The following DIABLO variants were observed in gnomAD, a reference collection of about 807,000 sequenced individuals.
DIABLO encodes the protein diablo IAP-binding mitochondrial protein.
A neutral mutation model predicts 31.7 loss-of-function variants in DIABLO; 32 were observed. The observed-to-expected ratio is 1.01, with a 90% CI of 0.76 to 1.35. The LOEUF (loss-of-function observed/expected upper bound fraction) is 1.35. Ranked by LOEUF, DIABLO falls within the 40% of genes most tolerant of loss-of-function variation. The pLI, the probability that DIABLO is intolerant of heterozygous loss-of-function variation, is 0.00. For missense variants in DIABLO, 316 were observed against 286.4 expected, an observed-to-expected ratio of 1.10 and a Z score of -0.75; for synonymous variants, 132 against 103.2, an observed-to-expected ratio of 1.28 and a Z score of -1.69.
intron 5 of DIABLO, 34 bp downstream of exon 5, chr12:122,216,454 T>TAA: frequency 8.3e-6 from 12 of 1,449,152 alleles, no homozygotes; most frequent in Admixed American, 1.8e-5. Flanking sequence ...GTTAAAAAAT[T>TAA]AAAAAAAAAA....
rs1954033477 is a variant in DIABLO, at chr12:122,209,646, G to A, written c.524-1069C>T. On this transcript the variant is annotated intron_variant, in intron 5 of 5. Transcript: ENST00000464942. ...CGCCACTTCACTCCAGCCTAGGTGA[G>A]AGTGAAACTCGTCTCCCCCCCAAAA... 4.5e-6 allele frequency: 3 copies of A among 671,990 alleles called. No individual in the cohort carries two copies. The South Asian group carries it at 4.8e-5, about 11-fold the overall frequency. 41.6% of individuals were successfully genotyped at this position (671,990 alleles called of 1,614,324 possible). A position where few individuals can be genotyped will look rare whatever the true frequency, so the allele number is the denominator to read the frequency against.
At position 122,208,397 on chromosome 12, in the gene DIABLO, T is replaced by A. The variant is rs563254479; in HGVS notation, c.704A>T (p.Tyr235Phe). ...CTCAGGCCCTCAATCCTCACGCAGG[T>A]AGGCCTCCTGCTCCGACTCAGCCCG... ...EERAESEQEA[Y>F]LRED Residue 235 changes from tyrosine to phenylalanine, a missense_variant, in exon 6 of 6, where the codon TAC becomes TTC. Physicochemically the swap from Tyr to Phe is conservative, Grantham distance 22. Transcript: ENST00000464942. The A allele has an allele frequency of 6.2e-7, 1 of 1,612,586 alleles. No homozygotes were observed. The highest frequency in any genetic ancestry group is 1.1e-5 in the South Asian group (1 of 91,012).
chr12:122,226,203 A>G, upstream of DIABLO: 1 of 933,062 alleles, frequency 1.1e-6, no homozygotes, highest in Non-Finnish European at 1.7e-6. Context: ...CGGCCGCGCA[A>G]GGCAACCAAC....
upstream of DIABLO, among the ~76,000 whole-genome samples, chr12:122,226,955 C>T (rs1954492284): frequency 6.6e-6 from 1 of 152,230 alleles, no homozygotes. Context: ...GCCCCAGCTG[C>T]GGCCCTGGCT....
chr12:122,215,438 T>A (rs1224908084), intron 5 of DIABLO, among the ~76,000 whole-genome samples: 1 of 151,954 alleles, frequency 6.6e-6, no homozygotes, highest in Non-Finnish European at 1.5e-5. Context: ...AACTATTCTC[T>A]ATTAAAAATA....
chr12:122,218,601 C>CCAA (rs1233174883), intron 2 of DIABLO: 2 of 614,864 alleles, frequency 3.3e-6, no homozygotes, highest in African/African-American at 1.9e-5. Flanking sequence ...ATGCTTTCTA[C>CCAA]CAACTTTCAT....
intron 3 of DIABLO, chr12:122,217,197 T>TTTGA: frequency 2.9e-6 from 1 of 343,950 alleles, no homozygotes; most frequent in Non-Finnish European, 5.6e-6. Context: ...CTTCAATACT[T>TTTGA]TTGATTATCC....
In DIABLO at chr12:122,225,984, T is replaced by A. The variant is rs201238806; in HGVS notation, c.31A>T (p.Ser11Cys). ...CGGTACCTGAAGAATGAAGTTACGC[T>A]GCGCGACAGCCAACTCTTCAGAGCC... is the stretch of plus-strand genomic sequence containing the variant. MAALKSWLSRSVTSFFRYRQC... is the reference protein window; with the variant it reads MAALKSWLSRCVTSFFRYRQC... The change falls in exon 1 of 6, where the codon AGC (serine) becomes TGC (cysteine). Residue 11 changes from serine to cysteine, a missense_variant. Physicochemically the swap from Ser to Cys is moderately radical, Grantham distance 112. Transcript: ENST00000464942. 5.0e-6 allele frequency: 8 copies of A among 1,601,882 alleles called. No homozygotes were observed. The highest frequency in any genetic ancestry group is 6.8e-6 in the Non-Finnish European group (8 of 1,175,082).
intron 2 of DIABLO, chr12:122,222,556 C>A (rs1035884235): frequency 1.5e-5 from 2 of 135,436 alleles, no homozygotes; most frequent in African/African-American, 3.0e-5. Flanking sequence ...GGCAACAGAG[C>A]GAGACTCCGT....
chr12:122,208,280 C>T lies in DIABLO; in HGVS notation c.*101G>A. 1 of 1,418,176 alleles carries T rather than the reference C, an allele frequency of 7.1e-7. No individual in the cohort carries two copies. The highest frequency in any genetic ancestry group is 9.8e-7 in the Non-Finnish European group (1 of 1,018,050). The allele number at this position is 1,418,176 out of a possible 1,614,324, so 87.8% of individuals were successfully genotyped here. ...TGATTGGCCAGGGCAGGATCTGCCG[C>T]CTCTTCTCGGTGCACAGACAGTCAT... On this transcript the variant is annotated 3_prime_UTR_variant, in exon 6 of 6. Coordinates refer to ENST00000464942, the MANE Select transcript of DIABLO (RefSeq NM_001371333.1).
upstream of DIABLO, chr12:122,226,499 G>A (rs760616026): frequency 1.7e-5 from 12 of 699,164 alleles, no homozygotes; most frequent in Non-Finnish European, 2.6e-5. Context: ...CCGTGTAGCT[G>A]AGGAGCACGA....
intron 5 of DIABLO, among the ~76,000 whole-genome samples, chr12:122,213,098 G>C (rs563840658): frequency 3.9e-5 from 6 of 152,098 alleles, no homozygotes; most frequent in Non-Finnish European, 8.8e-5. Flanking sequence ...TTTTTTTGTA[G>C]AGACAGGGTT....
chr12:122,210,053 G>T (rs57988494), intron 5 of DIABLO, among the ~76,000 whole-genome samples: 13,808 of 152,148 alleles, frequency 0.091, 2,055 homozygotes, highest in African/African-American at 0.31. Flanking sequence ...GTTTGAGAAG[G>T]AGTCTCACTC....
chr12:122,223,876 C>T (rs920260385), intron 2 of DIABLO, among the ~76,000 whole-genome samples: 5 of 152,222 alleles, frequency 3.3e-5, no homozygotes, highest in African/African-American at 1.2e-4. Context: ...TCATAGCTCA[C>T]TGCAGCCTCA....
chr12:122,223,332 G>A (rs747788876), intron 2 of DIABLO, among the ~76,000 whole-genome samples: 15 of 151,722 alleles, frequency 9.9e-5, no homozygotes, highest in Non-Finnish European at 1.5e-4. Context: ...CTACCCGGAG[G>A]CTAAGGCATG....
At chr12:122,213,913 C>T (rs922209468) in intron 5 of DIABLO, among the ~76,000 whole-genome samples, 3 of 151,934 alleles carry the variant, frequency 2.0e-5, no homozygotes, top group Admixed American at 6.6e-5. Flanking sequence ...GGTGAAACTC[C>T]GTCTCTACTA....
intron 5 of DIABLO, among the ~76,000 whole-genome samples, chr12:122,211,036 C>G (rs35210044): frequency 7.6e-6 from 1 of 132,372 alleles, no homozygotes; most frequent in Non-Finnish European, 1.5e-5. Context: ...CCCTGTCTCT[C>G]TCACACACAC....
intron 5 of DIABLO, chr12:122,209,712 G>A (rs1444842470): frequency 2.9e-6 from 2 of 698,064 alleles, no homozygotes; most frequent in African/African-American, 3.5e-5. Flanking sequence ...GCTAGTTAGT[G>A]TATTTCACCA....
At chr12:122,218,134 T>C in intron 3 of DIABLO, 132 bp downstream of exon 3, 2 of 1,122,886 alleles carry the variant, frequency 1.8e-6, no homozygotes, top group Middle Eastern at 2.8e-4. Context: ...AAACCGTTAT[T>C]GACAACACAT....
Sources: allele counts gnomAD v4.1 joint callset (sites outside exome capture counted in the v4.1 genomes callset), GRCh38; gene constraint gnomAD v4.1.1; transcripts MANE v1.5; gene names NCBI Gene and HGNC (gene_info 2026-07-23, HGNC 2026-07-21).